Variants in CHD1L observed in about 807,000 individuals in gnomAD.
CHD1L encodes ATP-dependent chromatin remodeler CHD1L.
In CHD1L, 118 loss-of-function variants were observed where a neutral mutation model predicts 115.9. The ratio of observed to expected loss-of-function variants is 1.02; its 90% CI spans 0.88 to 1.19. The LOEUF (loss-of-function observed/expected upper bound fraction) is 1.19, where lower values mean the gene tolerates loss of function less well. Among genes scored for constraint, CHD1L ranks in the 50% most tolerant of loss-of-function variants. The pLI is 0.00. For synonymous variants in CHD1L, 411 were observed against 387.1 expected, an observed-to-expected ratio of 1.06 and a Z score of -0.72; for missense variants, 1,179 against 1,065.3, an observed-to-expected ratio of 1.11 and a Z score of -1.49.
the CHD1L span, among the ~76,000 whole-genome samples, chr1:147,183,492 G>A: frequency 6.6e-6 from 1 of 152,258 alleles, no homozygotes; most frequent in East Asian, 1.9e-4. Flanking sequence ...TTCCTTCGAG[G>A]AGTTTACTAG....
chr1:147,257,817 A>G (rs1670605599), intron 5 of CHD1L, among the ~76,000 whole-genome samples: 1 of 152,202 alleles, frequency 6.6e-6, no homozygotes, highest in Non-Finnish European at 1.5e-5. Context: ...TAAACCCAGC[A>G]TTTGGTGCTG....
chr1:147,283,532 C>T (rs1471026729), intron 15 of CHD1L, among the ~76,000 whole-genome samples: 1 of 152,154 alleles, frequency 6.6e-6, no homozygotes, highest in Admixed American at 6.5e-5. Context: ...TTTTTGTTCT[C>T]ATCTGTAAAA....
intron 2 of CHD1L, among the ~76,000 whole-genome samples, chr1:147,253,467 C>CTAACCA (rs1186048775): frequency 6.6e-6 from 1 of 152,216 alleles, no homozygotes; most frequent in Non-Finnish European, 1.5e-5. Context: ...ATCAAGCACT[C>CTAACCA]TAACCATAAC....
intron 19 of CHD1L, among the ~76,000 whole-genome samples, chr1:147,288,213 T>C: frequency 6.6e-6 from 1 of 150,898 alleles, no homozygotes; most frequent in Admixed American, 6.6e-5. Context: ...TAGTTCCAGC[T>C]ACTCAGGAGG....
chr1:147,242,649 A>G, upstream of CHD1L: 1 of 1,255,604 alleles, frequency 8.0e-7, no homozygotes, highest in South Asian at 3.8e-5. Flanking sequence ...GCGCGTTGGG[A>G]AGTTGGGAGG....
the CHD1L span, chr1:147,201,418 T>A: frequency 1.2e-6 from 2 of 1,614,160 alleles, no homozygotes; most frequent in Non-Finnish European, 1.7e-6. Context: ...CTCCGTGAAT[T>A]CCTTCACATT....
chr1:147,275,343 ATT>A lies in CHD1L; in HGVS notation c.1271-10_1271-9del, dbSNP rs782082179. ...TGCTGCTGATTACATTCCTTTTTGC[ATT>A]GTTTTCAGGTGGAGTTGGCATGAAC... On this transcript the variant is annotated splice_polypyrimidine_tract_variant and intron_variant, in intron 12 of 22. Transcript: ENST00000369258. 3.1e-5 allele frequency: 50 copies of A among 1,602,532 alleles called. No homozygotes were observed. The highest frequency in any genetic ancestry group is 4.1e-5 in the Non-Finnish European group (48 of 1,169,970).
chr1:147,174,294 A>G, the CHD1L span: 1 of 152,210 alleles, frequency 6.6e-6, no homozygotes, highest in Non-Finnish European at 1.5e-5. Flanking sequence ...TCCTTACCAT[A>G]GGACACTGAA....
chr1:147,280,169 G>A lies in CHD1L; in HGVS notation c.1683G>A (p.Gly561=). The A allele has an allele frequency of 2.5e-6, 4 of 1,606,386 alleles. No homozygotes were observed. Among genetic ancestry groups the A allele is most frequent in the Non-Finnish European group, 3.4e-6 (4 of 1,176,800 alleles). ...VSDALPAAEG[G]SRDQEEGKNH... is the part of the protein sequence containing the mutation. The stretch of plus-strand genomic sequence containing the variant: ...ATGCCTTGCCTGCAGCAGAAGGAGG[G>A]AGCAGAGATCAAGAGGAAGGAAGTA... The change falls in exon 15 of 23, where the codon GGG becomes GGA. Residue 561 remains glycine, a synonymous_variant. Coordinates refer to ENST00000369258, the MANE Select transcript of CHD1L (RefSeq NM_004284.6).
At chr1:147,276,487 C>G (rs587628212) in intron 14 of CHD1L, among the ~76,000 whole-genome samples, 4 of 152,274 alleles carry the variant, frequency 2.6e-5, no homozygotes, top group Admixed American at 2.0e-4. Flanking sequence ...TTCTTAACTT[C>G]TTAGATCTAC....
intron 19 of CHD1L, among the ~76,000 whole-genome samples, chr1:147,290,677 AG>A (rs1353118908): frequency 1.3e-5 from 2 of 151,894 alleles, no homozygotes; most frequent in African/African-American, 4.8e-5. Context: ...TTTTTGAGAT[AG>A]GGTCTCACCC....
At chr1:147,223,529 C>T in the CHD1L span, 1 of 152,532 alleles carries the variant, frequency 6.6e-6, no homozygotes, top group African/African-American at 2.4e-5. Context: ...AAAAGCAAAC[C>T]CGTTCTCCTC....
chr1:147,275,257 T>C (rs1201302487), intron 12 of CHD1L, 97 bp from the exon 13 acceptor site: 8 of 850,402 alleles, frequency 9.4e-6, no homozygotes, highest in Non-Finnish European at 1.2e-5. Context: ...TTTTGACTGA[T>C]TTCAGTTTAT....
At chr1:147,252,794 T>C (rs1463572580) in intron 2 of CHD1L, 59 bp downstream of exon 2, 12 of 1,353,558 alleles carry the variant, frequency 8.9e-6, no homozygotes, top group African/African-American at 2.9e-5. Context: ...TTATAACTCA[T>C]TCTGGAGCTG....
chr1:147,222,372 GAAA>G, the CHD1L span, among the ~76,000 whole-genome samples: 1 of 152,108 alleles, frequency 6.6e-6, no homozygotes, highest in African/African-American at 2.4e-5. Flanking sequence ...TGCCTAAAAA[GAAA>G]AGAGAGAGAG....
intron 6 of CHD1L, 51 bp from the exon 7 acceptor site, chr1:147,264,371 C>G (rs1553946373): frequency 3.4e-6 from 5 of 1,484,196 alleles, no homozygotes; most frequent in Non-Finnish European, 4.6e-6. Flanking sequence ...GTAACTCAGC[C>G]TTGCATTCCA....
At chr1:147,290,999 G>A (rs6697133) in intron 19 of CHD1L, among the ~76,000 whole-genome samples, 36,495 of 152,036 alleles carry the variant, frequency 0.24, 4,791 homozygotes, top group Non-Finnish European at 0.29. Context: ...GATTCTAACC[G>A]CTTTCACATC....
At chr1:147,227,229 A>T in the CHD1L span, among the ~76,000 whole-genome samples, 1 of 152,342 alleles carries the variant, frequency 6.6e-6, no homozygotes. Flanking sequence ...TTCTGAAGAC[A>T]GTGTTTCAAC....
At chr1:147,252,823 CAA>C in intron 2 of CHD1L, 88 bp downstream of exon 2, 1 of 1,113,154 alleles carries the variant, frequency 9.0e-7, no homozygotes. Context: ...GGAGCTAAAA[CAA>C]AGCTCAGTTT....
Sources: gnomAD v4.1 joint callset for allele counts (sites outside exome capture counted in the v4.1 genomes callset) on GRCh38, gnomAD v4.1.1 for gene constraint, MANE v1.5 for transcripts, NCBI Gene and HGNC (gene_info 2026-07-23, HGNC 2026-07-21) for gene names.